Variants in MOSPD1 observed in about 807,000 individuals in gnomAD.
MOSPD1 encodes the protein motile sperm domain-containing protein 1.
In MOSPD1, 5 loss-of-function variants were observed where a neutral mutation model predicts 16.7. That is an observed-to-expected ratio of 0.30 (90% confidence interval 0.16 to 0.63). The LOEUF is 0.63. Among genes scored for constraint, MOSPD1 ranks in the 30% least tolerant of loss-of-function variants. The pLI, the probability that MOSPD1 is intolerant of heterozygous loss-of-function variation, is 0.82. For synonymous variants in MOSPD1, 67 were observed against 59.2 expected, an observed-to-expected ratio of 1.13 and a Z score of -0.61; for missense variants, 104 against 153.6, an observed-to-expected ratio of 0.68 and a Z score of 1.71.
At chrX:134,912,892 T>C (rs1271263980) in intron 1 of MOSPD1, among the ~76,000 whole-genome samples, 2 of 106,040 alleles carry the variant, frequency 1.9e-5, no homozygotes, top group East Asian at 6.1e-4. Context: ...TGAGCCGAGA[T>C]TGTGCCACTG....
At chrX:134,897,573 GA>G (rs1054209364) in intron 3 of MOSPD1, among the ~76,000 whole-genome samples, 54 of 63,448 alleles carry the variant, frequency 8.5e-4, no homozygotes, top group Non-Finnish European at 1.3e-3. Flanking sequence ...AAAAAAGAAA[GA>G]AAAAAAATTC....
At chrX:134,896,766 G>A in intron 4 of MOSPD1, 51 bp downstream of exon 4, 1 of 932,761 alleles carries the variant, frequency 1.1e-6, no homozygotes, top group Non-Finnish European at 1.5e-6. Context: ...TTATTTTAAA[G>A]TTAATAATGT....
In MOSPD1 at chrX:134,888,778, A is replaced by G. The variant is rs1027008521; in HGVS notation, c.*383T>C. On this transcript the variant is annotated 3_prime_UTR_variant, in exon 6 of 6. Transcript: ENST00000370783. The stretch of plus-strand genomic sequence containing the variant: ...TGTTTGTAGCTAGGGAATAAATGTC[A>G]TTTTAGTTTTAGGCCGGTCAGTTTG... 4 of 113,389 alleles carry G rather than the reference A, an allele frequency of 3.5e-5. No individual in the cohort carries two copies. The highest frequency in any genetic ancestry group is 1.3e-4 in the African/African-American group (4 of 30,899). 9.3% of individuals were successfully genotyped at this position (113,389 alleles called of 1,213,427 possible).
chrX:134,913,594 A>G (rs1334060871), intron 1 of MOSPD1, among the ~76,000 whole-genome samples: 1 of 111,983 alleles, frequency 8.9e-6, no homozygotes, highest in Non-Finnish European at 1.9e-5. Flanking sequence ...GCAAATGTAC[A>G]TAAACAATTT....
chrX:134,902,158 A>G (rs1242895672), intron 1 of MOSPD1, among the ~76,000 whole-genome samples: 2 of 111,153 alleles, frequency 1.8e-5, no homozygotes, highest in Non-Finnish European at 3.8e-5. Context: ...CTGTAATCCC[A>G]GCACTTTGGG....
intron 1 of MOSPD1, among the ~76,000 whole-genome samples, chrX:134,903,770 G>A (rs1435846498): frequency 9.1e-6 from 1 of 109,503 alleles, no homozygotes; most frequent in Non-Finnish European, 1.9e-5. Context: ...GCCAGGCTCG[G>A]TGGCTCACGC....
chrX:134,906,263 C>T (rs2082941397), intron 1 of MOSPD1, among the ~76,000 whole-genome samples: 1 of 98,492 alleles, frequency 1.0e-5, no homozygotes, highest in Non-Finnish European at 2.0e-5. Flanking sequence ...ACCACAACCT[C>T]TGCCTCCCGG....
intron 1 of MOSPD1, among the ~76,000 whole-genome samples, chrX:134,914,269 G>A (rs2082987279): frequency 8.9e-6 from 1 of 112,111 alleles, no homozygotes; most frequent in Non-Finnish European, 1.9e-5. Flanking sequence ...AGATCTCTCA[G>A]ATTCTACTGG....
intron 1 of MOSPD1, among the ~76,000 whole-genome samples, chrX:134,907,187 T>C (rs535162315): frequency 3.6e-5 from 4 of 110,779 alleles, no homozygotes; most frequent in South Asian, 3.8e-4. Flanking sequence ...GAGATCGCAC[T>C]ACTGCACCCC....
At chrX:134,896,005 A>G (rs1680193798) in intron 4 of MOSPD1, among the ~76,000 whole-genome samples, 2 of 111,428 alleles carry the variant, frequency 1.8e-5, no homozygotes, top group Admixed American at 1.9e-4. Flanking sequence ...AACAGCAAGT[A>G]GATTTTTTTT....
Position 134,896,933 on chromosome X carries a change from T to C in MOSPD1, c.332A>G (p.Lys111Arg), listed in dbSNP as rs148836935. 97 of 1,208,486 alleles carry C rather than the reference T, an allele frequency of 8.0e-5. No individual in the cohort carries two copies. Among genetic ancestry groups the C allele is most frequent in the Non-Finnish European group, 1.0e-4 (92 of 894,020 alleles). Residue 111 changes from lysine to arginine, a missense_variant, in exon 4 of 6, where the codon AAA becomes AGA. Physicochemically the swap from Lys to Arg is conservative, Grantham distance 26. Coordinates refer to ENST00000370783, the MANE Select transcript of MOSPD1 (RefSeq NM_019556.3). ...TGGGAGAAGAGTAGCAACAACCTCTTTTCTTCCCAAAGCCTTCCTTTGGCT... is the reference window on the plus strand; with the variant it reads ...TGGGAGAAGAGTAGCAACAACCTCTCTTCTTCCCAAAGCCTTCCTTTGGCT... ...EQSQRKALGR[K>R]EVVATLLPSA...
chrX:134,893,445 C>T (rs934461860), intron 4 of MOSPD1, among the ~76,000 whole-genome samples: 1 of 111,726 alleles, frequency 9.0e-6, no homozygotes, highest in African/African-American at 3.2e-5. Flanking sequence ...TTTTAGTATT[C>T]GAAAAACATT....
In MOSPD1 at chrX:134,889,062, T is replaced by C. The variant is rs2082848520; in HGVS notation, c.*99A>G. Reference sequence around the variant, plus strand: ...TTTGCAATTATTTGAAATCATTCAATAGTTTGTTGCATGTTAATGGAGTGA... The same window carrying C: ...TTTGCAATTATTTGAAATCATTCAACAGTTTGTTGCATGTTAATGGAGTGA... On this transcript the variant is annotated 3_prime_UTR_variant, in exon 6 of 6. Transcript: ENST00000370783. 4 of 486,376 alleles carry C rather than the reference T, an allele frequency of 8.2e-6. No individual in the cohort carries two copies. The highest frequency in any genetic ancestry group is 1.3e-5 in the Non-Finnish European group (4 of 299,560). 40.1% of individuals were successfully genotyped at this position (486,376 alleles called of 1,213,427 possible).
chrX:134,906,475 C>T (rs1407484930), intron 1 of MOSPD1, among the ~76,000 whole-genome samples: 3 of 109,689 alleles, frequency 2.7e-5, no homozygotes, highest in Admixed American at 9.9e-5. Flanking sequence ...TGAGCCACCG[C>T]GCCCAGCTTA....
intron 1 of MOSPD1, among the ~76,000 whole-genome samples, chrX:134,906,999 C>T (rs1164755724): frequency 9.0e-6 from 1 of 111,289 alleles, no homozygotes; most frequent in African/African-American, 3.3e-5. Context: ...AAAGCTGAGG[C>T]GGGCAGATCA....
chrX:134,903,711 C>CA (rs772831491), intron 1 of MOSPD1, among the ~76,000 whole-genome samples: 589 of 54,841 alleles, frequency 0.011, 10 homozygotes, highest in East Asian at 0.021. Flanking sequence ...GACTCCATCT[C>CA]AAAAAAAAAA....
chrX:134,901,321 CAGA>C (rs981257429), intron 1 of MOSPD1, among the ~76,000 whole-genome samples: 2 of 111,543 alleles, frequency 1.8e-5, no homozygotes, highest in African/African-American at 6.5e-5. Context: ...GCTAGAGAAT[CAGA>C]AGACTACATG....
intron 1 of MOSPD1, among the ~76,000 whole-genome samples, chrX:134,905,089 GTGGC>G (rs201016583): frequency 0.11 from 12,267 of 110,282 alleles, 614 homozygotes; most frequent in East Asian, 0.26. Flanking sequence ...GCCGGGCGCG[GTGGC>G]TCACGCCTGT....
chrX:134,904,574 G>A (rs1037752497), intron 1 of MOSPD1, among the ~76,000 whole-genome samples: 1 of 111,598 alleles, frequency 9.0e-6, no homozygotes, highest in Non-Finnish European at 1.9e-5. Flanking sequence ...CAAAAGACTG[G>A]AAACAAGCCA....
Sources: gnomAD v4.1 joint callset for allele counts (sites outside exome capture counted in the v4.1 genomes callset) on GRCh38, gnomAD v4.1.1 for gene constraint, MANE v1.5 for transcripts, NCBI Gene and HGNC (gene_info 2026-07-23, HGNC 2026-07-21) for gene names.